The following WDR27 variants were observed in gnomAD, a reference collection of about 807,000 sequenced individuals.
The protein encoded by WDR27 is WD repeat-containing protein 27.
WDR27 carries 100 observed loss-of-function variants against 114.4 expected under a neutral mutation model. That is an observed-to-expected ratio of 0.87 (90% confidence interval 0.74 to 1.03). The LOEUF is 1.03. Among genes scored for constraint, WDR27 ranks in the 50% least tolerant of loss-of-function variants. WDR27 has a pLI of 0.00. For synonymous variants in WDR27, 449 were observed against 423.1 expected (o/e 1.06, Z -0.75); for missense variants, 1,129 against 1,092.9 (o/e 1.03, Z -0.47).
chr6:169,515,786 G>A (rs976655281), intron 25 of WDR27, among the ~76,000 whole-genome samples: 1 of 149,640 alleles, frequency 6.7e-6, no homozygotes, highest in Non-Finnish European at 1.5e-5. Context: ...TATAAGTAAA[G>A]TAACAGTAAA....
chr6:169,613,968 A>G (rs1199300187), intron 21 of WDR27, among the ~76,000 whole-genome samples: 1 of 152,246 alleles, frequency 6.6e-6, no homozygotes, highest in African/African-American at 2.4e-5. Flanking sequence ...AGTATAGACC[A>G]TAAGCCACAT....
chr6:169,604,846 AT>A (rs1468310263), intron 22 of WDR27, among the ~76,000 whole-genome samples: 3 of 152,132 alleles, frequency 2.0e-5, no homozygotes, highest in African/African-American at 4.8e-5. Context: ...GGACAAAAAA[AT>A]ATATGATCAT....
At chr6:169,559,673 C>T (rs1339557474) in intron 25 of WDR27, 1 of 152,178 alleles carries the variant, frequency 6.6e-6, no homozygotes, top group East Asian at 1.9e-4. Context: ...CGGCTTTCTG[C>T]TCTTGAATCT....
chr6:169,527,879 A>T (rs1019492830), intron 25 of WDR27, among the ~76,000 whole-genome samples: 6 of 152,176 alleles, frequency 3.9e-5, no homozygotes, highest in African/African-American at 7.2e-5. Flanking sequence ...AAAGCTACAT[A>T]ATCAAAATTG....
intron 25 of WDR27, among the ~76,000 whole-genome samples, chr6:169,480,367 C>T (rs994423119): frequency 6.6e-6 from 1 of 152,218 alleles, no homozygotes; most frequent in African/African-American, 2.4e-5. Flanking sequence ...CCCTGACGGG[C>T]ACCACCCCCT....
intron 21 of WDR27, among the ~76,000 whole-genome samples, chr6:169,624,581 G>A (rs557698869): frequency 1.3e-5 from 2 of 152,278 alleles, no homozygotes; most frequent in South Asian, 2.1e-4. Context: ...AACAGCCATC[G>A]ACCGTTTCCA....
At chr6:169,601,600 C>T (rs1306594224) in intron 23 of WDR27, among the ~76,000 whole-genome samples, 3 of 152,142 alleles carry the variant, frequency 2.0e-5, no homozygotes, top group South Asian at 2.1e-4. Context: ...GCAACATGAC[C>T]ATGAGGTGAA....
At chr6:169,444,671 T>G in the WDR27 span, among the ~76,000 whole-genome samples, 2 of 140,182 alleles carry the variant, frequency 1.4e-5, no homozygotes, top group East Asian at 2.2e-4. Flanking sequence ...GTTTTTTTGT[T>G]TTTTTTTTTT....
chr6:169,652,024 T>C lies in WDR27; in HGVS notation c.1403-16A>G. ...TTCCGTGCAGCTGTGGAAAGGCAAT[T>C]TTAAAGAAGAAACAAACACTTAAAA... On this transcript the variant is annotated splice_polypyrimidine_tract_variant and intron_variant, in intron 13 of 25. Coordinates refer to ENST00000448612, the MANE Select transcript of WDR27 (RefSeq NM_182552.5). 6.2e-7 allele frequency: 1 copy of C among 1,612,468 alleles called. No individual in the cohort carries two copies. Among genetic ancestry groups the C allele is most frequent in the Middle Eastern group, 1.7e-4 (1 of 6,060 alleles).
At chr6:169,465,535 A>G (rs1785469754) in intron 25 of WDR27, among the ~76,000 whole-genome samples, 1 of 152,154 alleles carries the variant, frequency 6.6e-6, no homozygotes, top group Non-Finnish European at 1.5e-5. Context: ...CAGCAATTTC[A>G]CCTCTGGGTA....
intron 25 of WDR27, among the ~76,000 whole-genome samples, chr6:169,553,849 G>A (rs1798521378): frequency 6.6e-6 from 1 of 152,182 alleles, no homozygotes. Flanking sequence ...CAGATGTTCT[G>A]AAGAGGCAGA....
At chr6:169,593,818 C>T (rs949862968) in intron 23 of WDR27, among the ~76,000 whole-genome samples, 7 of 152,050 alleles carry the variant, frequency 4.6e-5, no homozygotes, top group African/African-American at 1.5e-4. Context: ...CACTGAACTC[C>T]AACCTGGGCA....
At chr6:169,445,870 CCTGA>C in the WDR27 span, among the ~76,000 whole-genome samples, 5 of 152,380 alleles carry the variant, frequency 3.3e-5, no homozygotes, top group South Asian at 1.0e-3. Flanking sequence ...ACCCCCGAGC[CCTGA>C]CTGAGTCTTT....
At chr6:169,438,924 T>A in the WDR27 span, among the ~76,000 whole-genome samples, 1 of 152,234 alleles carries the variant, frequency 6.6e-6, no homozygotes, top group African/African-American at 2.4e-5. Context: ...TATTTGCTTT[T>A]GAAGTCTTTT....
At chr6:169,601,300 T>C (rs1283464097) in intron 23 of WDR27, among the ~76,000 whole-genome samples, 1 of 151,878 alleles carries the variant, frequency 6.6e-6, no homozygotes, top group Non-Finnish European at 1.5e-5. Context: ...AAGTTATTTC[T>C]AAACAGAACA....
At position 169,613,571 on chromosome 6, in the gene WDR27, AGG is replaced by A; in HGVS notation, c.2307_2308del (p.Leu770GlufsTer6). 1 of 1,613,746 alleles carries A rather than the reference AGG, an allele frequency of 6.2e-7. No homozygotes were observed. On this transcript the variant is annotated frameshift_variant, in exon 22 of 26. Coordinates refer to ENST00000448612, the MANE Select transcript of WDR27 (RefSeq NM_182552.5). LOFTEE classifies it high-confidence loss of function. ...AGGACAGCCTTACCTCAGGGTTCTC[AGG>A]TCCCACAGTCTCATCCCATCGCCAA...
intron 21 of WDR27, among the ~76,000 whole-genome samples, chr6:169,616,073 T>C (rs1273095303): frequency 6.6e-6 from 1 of 151,740 alleles, no homozygotes; most frequent in Non-Finnish European, 1.5e-5. Context: ...AAAGCCTCAT[T>C]AGAAACAGTT....
In WDR27 at chr6:169,638,671, T is replaced by C. The variant is rs1818340760; in HGVS notation, c.1748-11A>G. The C allele has an allele frequency of 1.3e-6, 2 of 1,594,734 alleles. No individual in the cohort carries two copies. Among genetic ancestry groups the C allele is most frequent in the African/African-American group, 2.7e-5 (2 of 74,402 alleles). ...CTGCCCCGTCGTGACCTAACAGGAA[T>C]GACCACAGAAGGTTACTATTTCTAC... is the stretch of plus-strand genomic sequence containing the variant. On this transcript the variant is annotated splice_polypyrimidine_tract_variant and intron_variant, in intron 17 of 25. Transcript: ENST00000448612.
rs540141436 is a variant in WDR27 at position 169,659,818 on chromosome 6, C to A, written c.1130-300G>T. 6.6e-6 allele frequency among the ~76,000 whole-genome samples: 1 copy of A among 152,248 alleles called. No homozygotes were observed. The highest frequency in any genetic ancestry group is 1.9e-4 in the East Asian group (1 of 5,150). ...GCAGCTCAGCCTCCTGGAGAAGCCA[C>A]ATGTCCAGCACCAGATCAGAAAGGA... On this transcript the variant is annotated intron_variant, in intron 10 of 25. Transcript: ENST00000448612. This position sits in a 1 kb window ranked among gnomAD's most constrained non-coding sequence, Gnocchi z 4.3.
Sources: allele counts gnomAD v4.1 joint callset (sites outside exome capture counted in the v4.1 genomes callset), GRCh38; gene constraint gnomAD v4.1.1; non-coding constraint Gnocchi (gnomAD v3.1); transcripts MANE v1.5; gene names NCBI Gene and HGNC (gene_info 2026-07-23, HGNC 2026-07-21).